Variants in MYOM1 observed in about 807,000 individuals in gnomAD.
The protein encoded by MYOM1 is myomesin-1.
Under a neutral mutation model 205.3 loss-of-function variants are expected in MYOM1, and 164 were observed. The observed-to-expected ratio is 0.80, with a 90% CI of 0.70 to 0.91. The LOEUF is 0.91. Among genes scored for constraint, MYOM1 ranks in the 40% least tolerant of loss-of-function variants. The pLI is 0.00. For missense variants in MYOM1, 2,011 were observed against 2,127.3 expected (o/e 0.95, Z 1.08); for synonymous variants, 772 against 789.4 (o/e 0.98, Z 0.37).
intron 22 of MYOM1, among the ~76,000 whole-genome samples, chr18:3,107,149 ACT>A (rs1461403523): frequency 6.6e-6 from 1 of 151,976 alleles, no homozygotes; most frequent in African/African-American, 2.4e-5. Flanking sequence ...ACGGAGTCTC[ACT>A]CTGTTGCCCA....
intron 23 of MYOM1, among the ~76,000 whole-genome samples, chr18:3,101,793 GAT>G (rs1262802368): frequency 6.6e-6 from 1 of 151,966 alleles, no homozygotes. Context: ...GCATAAATGA[GAT>G]AATAAATAAG....
In MYOM1 at chr18:3,103,214, C is replaced by G. The variant is rs138665236; in HGVS notation, c.3419-584G>C. Among the ~76,000 whole-genome samples, 749 of 152,184 alleles carry G rather than the reference C, an allele frequency of 4.9e-3. 10 individuals are homozygous for G. Among genetic ancestry groups the G allele is most frequent in the African/African-American group, 0.017 (722 of 41,466 alleles). On this transcript the variant is annotated intron_variant, in intron 22 of 37. Coordinates refer to ENST00000356443, the MANE Select transcript of MYOM1 (RefSeq NM_003803.4). ...TTAAGAGTGGAGAAATATATGGATG[C>G]CTGCTCTGTGGATCACAGAACCATA...
chr18:3,118,331 C>T (rs2079635350), intron 20 of MYOM1, among the ~76,000 whole-genome samples: 1 of 139,750 alleles, frequency 7.2e-6, no homozygotes, highest in Non-Finnish European at 1.5e-5. Flanking sequence ...CACCTGCAAC[C>T]TTTCTTTGTC....
At chr18:3,231,632 C>T in the MYOM1 span, among the ~76,000 whole-genome samples, 1 of 150,684 alleles carries the variant, frequency 6.6e-6, no homozygotes, top group African/African-American at 2.5e-5. Flanking sequence ...CTCTGCCTCC[C>T]GGGTTCAAGC....
intron 25 of MYOM1, among the ~76,000 whole-genome samples, chr18:3,098,676 GC>G (rs2079337808): frequency 1.3e-5 from 2 of 152,154 alleles, no homozygotes; most frequent in Admixed American, 1.3e-4. Flanking sequence ...AGCTGCCCAG[GC>G]GCACAGCTTG....
chr18:3,151,947 A>G (rs1293503117), intron 11 of MYOM1, 54 bp from the exon 12 acceptor site: 25 of 1,548,372 alleles, frequency 1.6e-5, no homozygotes, highest in Non-Finnish European at 1.9e-5. Context: ...GGCTTAATGA[A>G]TATCTCCAGA....
At chr18:3,226,498 C>A in the MYOM1 span, among the ~76,000 whole-genome samples, 1 of 152,130 alleles carries the variant, frequency 6.6e-6, no homozygotes, top group Non-Finnish European at 1.5e-5. The surrounding 1 kb of genome is among the most constrained non-coding windows in gnomAD (Gnocchi z 4.6). Context: ...AGCCCTCAAA[C>A]TCCAGGACTC....
intron 37 of MYOM1, among the ~76,000 whole-genome samples, chr18:3,070,114 C>T (rs1198825765): frequency 2.0e-5 from 3 of 152,184 alleles, no homozygotes; most frequent in Non-Finnish European, 4.4e-5. Flanking sequence ...ATCTCTACCC[C>T]TAGGACTGGT....
intron 10 of MYOM1, among the ~76,000 whole-genome samples, chr18:3,159,448 G>T (rs2144028129): frequency 6.6e-6 from 1 of 152,206 alleles, no homozygotes; most frequent in Non-Finnish European, 1.5e-5. Context: ...TTTAAGCAAT[G>T]GCAGTTTCTT....
At chr18:3,126,396 T>C (rs565256832) in intron 19 of MYOM1, among the ~76,000 whole-genome samples, 3 of 151,828 alleles carry the variant, frequency 2.0e-5, no homozygotes, top group South Asian at 4.2e-4. Flanking sequence ...GGCATATTAA[T>C]TGTAGATATT....
chr18:3,153,866 T>C (rs568335760), intron 11 of MYOM1, among the ~76,000 whole-genome samples: 6 of 152,304 alleles, frequency 3.9e-5, no homozygotes, highest in Admixed American at 1.3e-4. Context: ...ACGATCTGAA[T>C]AGAAACCAAG....
intron 10 of MYOM1, 140 bp from the exon 11 acceptor site, chr18:3,155,228 TA>T: frequency 1.1e-6 from 1 of 913,818 alleles, no homozygotes; most frequent in Non-Finnish European, 1.5e-6. Context: ...CAAATCTTGC[TA>T]TTTTTTTTTT....
intron 13 of MYOM1, 45 bp downstream of exon 13, chr18:3,149,088 AGGCAAACTGCTT>A: frequency 6.7e-7 from 1 of 1,497,248 alleles, no homozygotes; most frequent in Admixed American, 1.7e-5. Flanking sequence ...CCACAACAAA[AGGCAAACTGCTT>A]AGCAAAACAT....
chr18:3,136,115 C>A (rs1195125530), intron 14 of MYOM1, among the ~76,000 whole-genome samples: 1 of 113,604 alleles, frequency 8.8e-6, no homozygotes, highest in African/African-American at 3.8e-5. Flanking sequence ...TTTCACTTGG[C>A]TCTCCTTCTG....
chr18:3,169,693 T>C (rs1055875905), intron 8 of MYOM1, among the ~76,000 whole-genome samples: 3 of 152,204 alleles, frequency 2.0e-5, no homozygotes, highest in Admixed American at 6.5e-5. Flanking sequence ...TCTTACGCTG[T>C]TGGTGGGAAC....
the MYOM1 span, among the ~76,000 whole-genome samples, chr18:3,235,456 T>C: frequency 0.018 from 2,703 of 152,346 alleles, 87 homozygotes; most frequent in African/African-American, 0.062. Flanking sequence ...ACTTAAAATG[T>C]ATGCATGGCA....
At chr18:3,080,571 G>A (rs1463208788) in intron 33 of MYOM1, among the ~76,000 whole-genome samples, 2 of 151,680 alleles carry the variant, frequency 1.3e-5, no homozygotes, top group Non-Finnish European at 2.9e-5. Context: ...CTACTCAGGA[G>A]GCTGAGGCAG....
intron 20 of MYOM1, among the ~76,000 whole-genome samples, chr18:3,117,870 T>C (rs994838479): frequency 2.6e-5 from 4 of 152,188 alleles, no homozygotes; most frequent in Non-Finnish European, 2.9e-5. Flanking sequence ...CGATGTTTTG[T>C]ATAAAGCTAT....
chr18:3,184,193 A>C (rs2080778291), intron 5 of MYOM1, among the ~76,000 whole-genome samples: 2 of 152,206 alleles, frequency 1.3e-5, no homozygotes, highest in South Asian at 4.1e-4. Flanking sequence ...GGTGTGAGCC[A>C]GCTGGCCCAG....
Sources: gnomAD v4.1 joint callset for allele counts (sites outside exome capture counted in the v4.1 genomes callset) on GRCh38, gnomAD v4.1.1 for gene constraint, Gnocchi (gnomAD v3.1) non-coding constraint, MANE v1.5 for transcripts, NCBI Gene and HGNC (gene_info 2026-07-23, HGNC 2026-07-21) for gene names.